Variants in GNB1L observed in about 807,000 individuals in gnomAD.
The protein encoded by GNB1L is G protein subunit beta 1 like.
A neutral mutation model predicts 29.1 loss-of-function variants in GNB1L; 20 were observed. The ratio of observed to expected loss-of-function variants is 0.69; its 90% CI spans 0.48 to 1.00. GNB1L has a LOEUF of 1.00. Among genes scored for constraint, GNB1L ranks in the 50% least tolerant of loss-of-function variants. The pLI, the probability that GNB1L is intolerant of heterozygous loss-of-function variation, is 0.00. For missense variants in GNB1L, 421 were observed against 464.9 expected, an observed-to-expected ratio of 0.91 and a Z score of 0.87; for synonymous variants, 193 against 206.5, an observed-to-expected ratio of 0.93 and a Z score of 0.56.
At chr22:19,824,666 G>A (rs958746345) in intron 2 of GNB1L, among the ~76,000 whole-genome samples, 5 of 152,226 alleles carry the variant, frequency 3.3e-5, no homozygotes, top group African/African-American at 1.2e-4. Flanking sequence ...CTCCCAAGAG[G>A]GGTCCAGAGC....
chr22:19,788,786 A>C lies in GNB1L; in HGVS notation c.907T>G (p.Phe303Val). ...GCGGCCAGCAAGCCATCGGCGGTGA[A>C]GGCCACGCACTGGACAGCGGCGCTG... ...FHSAAVQCVA[F>V]TADGLLAAGS... Residue 303 changes from phenylalanine to valine, a missense_variant, in exon 8 of 8, where the codon TTC becomes GTC. By Grantham distance (50) the Phe-to-Val change is conservative. Transcript: ENST00000329517. 6.2e-7 allele frequency: 1 copy of C among 1,612,412 alleles called. No individual in the cohort carries two copies. The highest frequency in any genetic ancestry group is 8.5e-7 in the Non-Finnish European group (1 of 1,179,664).
chr22:19,811,578 G>C (rs1171726472), intron 5 of GNB1L, among the ~76,000 whole-genome samples: 1 of 152,136 alleles, frequency 6.6e-6, no homozygotes, highest in African/African-American at 2.4e-5. Context: ...CCTGCCTCCT[G>C]TGCCACTGGG....
At position 19,811,632 on chromosome 22, in the gene GNB1L, A is replaced by G. The variant is rs1216712652; in HGVS notation, c.417+653T>C. Among the ~76,000 whole-genome samples the G allele has an allele frequency of 2.0e-5, 3 of 152,056 alleles. 1 individual carries two copies. The East Asian group carries it at 5.8e-4, about 29-fold the overall frequency. On this transcript the variant is annotated intron_variant, in intron 5 of 7. Transcript: ENST00000329517. ...CAGCTGGGCCAGTCCTGTGTTACCA[A>G]CACCTCTGGTCATTCTGGCCTAAGC... is the stretch of plus-strand genomic sequence containing the variant.
At chr22:19,836,057 A>G (rs376295279) in intron 2 of GNB1L, among the ~76,000 whole-genome samples, 1 of 152,226 alleles carries the variant, frequency 6.6e-6, no homozygotes, top group African/African-American at 2.4e-5. Context: ...AAATAAGATT[A>G]GAGCAGAAAT....
At chr22:19,804,190 C>T (rs895062467) in intron 6 of GNB1L, among the ~76,000 whole-genome samples, 5 of 152,276 alleles carry the variant, frequency 3.3e-5, no homozygotes, top group Admixed American at 3.3e-4. Context: ...CTTCGGTGCC[C>T]ACAGCCTTGA....
At chr22:19,852,182 C>A in intron 2 of GNB1L, 1 of 1,613,978 alleles carries the variant, frequency 6.2e-7, no homozygotes, top group Non-Finnish European at 8.5e-7. Context: ...CATCTGCTGC[C>A]ATGGATGTGC....
chr22:19,824,545 C>T (rs1326492015), intron 2 of GNB1L, among the ~76,000 whole-genome samples: 4 of 152,250 alleles, frequency 2.6e-5, no homozygotes, highest in African/African-American at 9.6e-5. Context: ...ACTCTAACAG[C>T]CCTTCCAGAG....
At chr22:19,846,263 T>A (rs946905677) in intron 2 of GNB1L, 1 of 242,092 alleles carries the variant, frequency 4.1e-6, no homozygotes, top group Non-Finnish European at 6.7e-6. Flanking sequence ...CTGCCGCAGT[T>A]ACACTTACAG....
At chr22:19,851,230 G>C (rs1938087665) in intron 2 of GNB1L, 2 of 1,600,582 alleles carry the variant, frequency 1.2e-6, no homozygotes, top group Non-Finnish European at 1.7e-6. Context: ...CCTCCTGTGG[G>C]GTACCTAAGG....
chr22:19,797,802 C>T (rs977599969), intron 7 of GNB1L, among the ~76,000 whole-genome samples: 3 of 152,184 alleles, frequency 2.0e-5, no homozygotes, highest in African/African-American at 7.2e-5. Context: ...GGCCCGGGGC[C>T]CCCTGGTTCA....
At chr22:19,807,381 A>C (rs1175533613) in intron 5 of GNB1L, among the ~76,000 whole-genome samples, 1 of 152,064 alleles carries the variant, frequency 6.6e-6, no homozygotes, top group Non-Finnish European at 1.5e-5. Flanking sequence ...CCGAGGCCAC[A>C]AGCAGCAGAC....
chr22:19,794,178 G>C (rs1937281366), intron 7 of GNB1L, among the ~76,000 whole-genome samples: 1 of 152,164 alleles, frequency 6.6e-6, no homozygotes, highest in Admixed American at 6.5e-5. Flanking sequence ...CTGAGGCAGG[G>C]GTTTGAGGGT....
At chr22:19,813,404 G>A (rs1004131182) in intron 4 of GNB1L, among the ~76,000 whole-genome samples, 1 of 152,208 alleles carries the variant, frequency 6.6e-6, no homozygotes, top group African/African-American at 2.4e-5. Context: ...ATAAAATAAG[G>A]CTGGGTGCAG....
In GNB1L at chr22:19,783,876, C is replaced by G. The variant is rs1399159541; in HGVS notation, c.*4833G>C. ...GGGAGCCAAGCCACAGCTCGCTGAC[C>G]TGGGGAAGCTGACAGAGTGACAGAG... On this transcript the variant is annotated 3_prime_UTR_variant, in exon 8 of 8. Coordinates refer to ENST00000329517, the MANE Select transcript of GNB1L (RefSeq NM_053004.3). 1 of 152,316 alleles carries G rather than the reference C, an allele frequency of 6.6e-6. No homozygotes were observed. The highest frequency in any genetic ancestry group is 1.5e-5 in the Non-Finnish European group (1 of 68,104). 9.4% of individuals were successfully genotyped at this position (152,316 alleles called of 1,614,324 possible).
chr22:19,810,309 C>T (rs573847416), intron 5 of GNB1L, among the ~76,000 whole-genome samples: 49 of 152,324 alleles, frequency 3.2e-4, no homozygotes, highest in African/African-American at 1.2e-3. Context: ...CTCCAAAAGA[C>T]CCCTCTGGGG....
chr22:19,793,409 C>G (rs375609830), intron 7 of GNB1L, among the ~76,000 whole-genome samples: 1 of 151,976 alleles, frequency 6.6e-6, no homozygotes, highest in East Asian at 1.9e-4. Context: ...AGAGAAAAAA[C>G]GACTGAACCA....
intron 2 of GNB1L, among the ~76,000 whole-genome samples, chr22:19,840,904 A>T (rs1315915381): frequency 6.6e-6 from 1 of 152,222 alleles, no homozygotes; most frequent in Non-Finnish European, 1.5e-5. Context: ...GCTCAGTCTA[A>T]TCGTGAGAAG....
At chr22:19,837,863 AAG>A (rs1569053239) in intron 2 of GNB1L, among the ~76,000 whole-genome samples, 1 of 152,244 alleles carries the variant, frequency 6.6e-6, no homozygotes, top group Non-Finnish European at 1.5e-5. Flanking sequence ...AAGCCAGAAA[AAG>A]AGAGTAAATT....
intron 2 of GNB1L, among the ~76,000 whole-genome samples, chr22:19,845,002 T>C (rs1937930494): frequency 6.6e-6 from 1 of 152,172 alleles, no homozygotes; most frequent in African/African-American, 2.4e-5. Context: ...GCCTCGGGGA[T>C]GGGGATGTGC....
Sources: gnomAD v4.1 joint callset for allele counts (sites outside exome capture counted in the v4.1 genomes callset) on GRCh38, gnomAD v4.1.1 for gene constraint, MANE v1.5 for transcripts, NCBI Gene and HGNC (gene_info 2026-07-23, HGNC 2026-07-21) for gene names.